The following ARRDC5 variants were observed in gnomAD, a reference collection of about 807,000 sequenced individuals.
ARRDC5 encodes arrestin domain containing 5.
ARRDC5 carries 12 observed loss-of-function variants against 13.3 expected under a neutral mutation model. That is an observed-to-expected ratio of 0.90 (90% CI 0.58 to 1.46). The LOEUF (loss-of-function observed/expected upper bound fraction) is 1.46. Among genes scored for constraint, ARRDC5 ranks in the 40% most tolerant of loss-of-function variants. The pLI, the probability that ARRDC5 is intolerant of heterozygous loss-of-function variation, is 0.00. For missense variants in ARRDC5, 406 were observed against 418.7 expected, an observed-to-expected ratio of 0.97 and a Z score of 0.26; for synonymous variants, 181 against 173.4, an observed-to-expected ratio of 1.04 and a Z score of -0.34.
intron 1 of ARRDC5, among the ~76,000 whole-genome samples, chr19:4,902,352 A>T (rs1040572851): frequency 6.6e-6 from 1 of 152,160 alleles, no homozygotes; most frequent in African/African-American, 2.4e-5. Flanking sequence ...TTGAACCTTC[A>T]TTTTGAATAT....
At chr19:4,895,162 C>G (rs2031667047) in intron 2 of ARRDC5, among the ~76,000 whole-genome samples, 1 of 151,824 alleles carries the variant, frequency 6.6e-6, no homozygotes, top group Admixed American at 6.6e-5. Context: ...TGGCTAACGC[C>G]TGTAATCCCA....
chr19:4,906,655 A>C (rs2032070300), upstream of ARRDC5, among the ~76,000 whole-genome samples: 1 of 152,202 alleles, frequency 6.6e-6, no homozygotes, highest in African/African-American at 2.4e-5. Flanking sequence ...GGGGAGGCTG[A>C]GGCAGAAGAA....
intron 2 of ARRDC5, 62 bp from the exon 3 acceptor site, chr19:4,891,635 G>A (rs905358208): frequency 2.0e-6 from 3 of 1,468,542 alleles, no homozygotes; most frequent in African/African-American, 1.4e-5. Context: ...CCACTTGCCT[G>A]CCTGATCCAC....
chr19:4,901,051 G>A (rs899027775), intron 1 of ARRDC5, among the ~76,000 whole-genome samples: 8 of 151,258 alleles, frequency 5.3e-5, no homozygotes, highest in Admixed American at 4.0e-4. Flanking sequence ...CTTTTTTTAA[G>A]AGACAGTCGT....
the ARRDC5 span, among the ~76,000 whole-genome samples, chr19:4,908,811 C>G: frequency 1.3e-5 from 2 of 152,174 alleles, no homozygotes. Context: ...CCATGTACAC[C>G]GCTGGGTTCT....
At chr19:4,911,976 G>A in the ARRDC5 span, among the ~76,000 whole-genome samples, 1 of 152,184 alleles carries the variant, frequency 6.6e-6, no homozygotes, top group African/African-American at 2.4e-5. Flanking sequence ...TGGTGTCTAG[G>A]TTGGAAAATA....
Position 4,891,301 on chromosome 19 carries a change from G to T in ARRDC5, c.732C>A (p.Pro244=). The T allele has an allele frequency of 1.9e-6, 3 of 1,613,912 alleles. No individual in the cohort carries two copies. The highest frequency in any genetic ancestry group is 4.5e-5 in the East Asian group (2 of 44,878). ...CCTTGGTGGTGTTGAAGCGGGTCACGGGGGTGTTGGCCTCCTGCCTCAGAA... is the reference window on the plus strand; with the variant it reads ...CCTTGGTGGTGTTGAAGCGGGTCACTGGGGTGTTGGCCTCCTGCCTCAGAA... ...SELLRQEANT[P]VTRFNTTKVV... The change falls in exon 3 of 3, where the codon CCC becomes CCA. Residue 244 remains proline (P), a synonymous_variant. Coordinates refer to ENST00000650722, the MANE Select transcript of ARRDC5 (RefSeq NM_001080523.3).
At chr19:4,911,064 T>G in the ARRDC5 span, 1 of 1,532,544 alleles carries the variant, frequency 6.5e-7, no homozygotes, top group Non-Finnish European at 8.8e-7. Flanking sequence ...GCACCTTTGT[T>G]CTATGCCTGG....
chr19:4,898,665 C>CTTTTTTCTTTTT (rs2031811688), intron 1 of ARRDC5, among the ~76,000 whole-genome samples: 1 of 130,584 alleles, frequency 7.7e-6, no homozygotes, highest in Non-Finnish European at 1.6e-5. Context: ...CGGGCTTGGC[C>CTTTTTTCTTTTT]TTTTTTTTTT....
At chr19:4,916,518 C>T in the ARRDC5 span, among the ~76,000 whole-genome samples, 2 of 152,216 alleles carry the variant, frequency 1.3e-5, no homozygotes, top group South Asian at 4.1e-4. Flanking sequence ...CTCACTGACC[C>T]CCGAAGTGCC....
the ARRDC5 span, among the ~76,000 whole-genome samples, chr19:4,914,112 C>T: frequency 0.011 from 1,611 of 152,216 alleles, 18 homozygotes; most frequent in Non-Finnish European, 0.017. Context: ...AGGTGTGAAC[C>T]GTCGCATCCG....
the ARRDC5 span, chr19:4,909,561 G>A: frequency 3.0e-6 from 2 of 658,442 alleles, no homozygotes; most frequent in East Asian, 6.4e-5. Flanking sequence ...TCGCACGCAA[G>A]TCCGCGCGGG....
rs544356827 is a variant in ARRDC5 at position 4,892,173 on chromosome 19, C to T, written c.460-600G>A. Among the ~76,000 whole-genome samples, 12 of 151,914 alleles carry T rather than the reference C, an allele frequency of 7.9e-5. No homozygotes were observed. The East Asian group carries it at 1.8e-3, about 22-fold the overall frequency. ...CGTGATCTCGGCTCAGTGCAACCTC[C>T]GCCTCCCGGGTTCAAGCGATTCTTC... On this transcript the variant is annotated intron_variant, in intron 2 of 2. Transcript: ENST00000650722.
upstream of ARRDC5, among the ~76,000 whole-genome samples, chr19:4,906,342 C>T (rs991497626): frequency 6.6e-6 from 1 of 152,110 alleles, no homozygotes; most frequent in East Asian, 1.9e-4. Context: ...GGAACTGGAG[C>T]CCTCAATCAA....
At position 4,896,136 on chromosome 19, in the gene ARRDC5, G is replaced by A. The variant is rs567944086; in HGVS notation, c.459+535C>T. ...TTGAGACCAGCCTTGCCAACATGGC[G>A]AAACCCTGTCTCTACTAAAAATACA... On this transcript the variant is annotated intron_variant, in intron 2 of 2. Transcript: ENST00000650722. Among the ~76,000 whole-genome samples, 267 of 151,908 alleles carry A rather than the reference G, an allele frequency of 1.8e-3. 1 individual carries two copies. The highest frequency in any genetic ancestry group is 2.9e-3 in the African/African-American group (121 of 41,430).
the ARRDC5 span, chr19:4,909,772 C>T: frequency 1.3e-5 from 6 of 467,032 alleles, no homozygotes; most frequent in Admixed American, 4.4e-5. Context: ...CACTCTGTCC[C>T]GGGATCCAGG....
At chr19:4,909,841 G>C in the ARRDC5 span, 5 of 402,104 alleles carry the variant, frequency 1.2e-5, no homozygotes, top group East Asian at 1.5e-4. Flanking sequence ...GGCTGGAGCC[G>C]GGACCAGCGC....
At chr19:4,894,810 G>C (rs1051870336) in intron 2 of ARRDC5, among the ~76,000 whole-genome samples, 1 of 151,946 alleles carries the variant, frequency 6.6e-6, no homozygotes. Flanking sequence ...TTTCCTTTTT[G>C]AGAACTCAGG....
At chr19:4,903,042 T>TTTTTTC, upstream of ARRDC5, 1 of 583,586 alleles carries the variant, frequency 1.7e-6, no homozygotes, top group Non-Finnish European at 3.0e-6. Context: ...TTTTTTTTTT[T>TTTTTTC]TTGAGATGGA....
Sources: gnomAD v4.1 joint callset for allele counts (sites outside exome capture counted in the v4.1 genomes callset) on GRCh38, gnomAD v4.1.1 for gene constraint, MANE v1.5 for transcripts, NCBI Gene and HGNC (gene_info 2026-07-23, HGNC 2026-07-21) for gene names.